ARID1B: variants seen among roughly 807,000 people sequenced by gnomAD.
ARID1B encodes the protein AT-rich interactive domain-containing protein 1B.
In ARID1B, 30 loss-of-function variants were observed where a neutral mutation model predicts 212.3. That is an observed-to-expected ratio of 0.14 (90% CI 0.11 to 0.19). The LOEUF is 0.19. ARID1B is among the 10% of genes least tolerant of loss of function. The probability of loss-of-function intolerance (pLI) is 1.00; values close to 1 mark genes in which losing one functional copy is unlikely to be tolerated. For synonymous variants in ARID1B, 1,402 were observed against 1,301.7 expected, an observed-to-expected ratio of 1.08 and a Z score of -1.66; for missense variants, 2,891 against 3,204.0, an observed-to-expected ratio of 0.90 and a Z score of 2.36.
chr6:157,136,591 G>A (rs1788925966), intron 7 of ARID1B, among the ~76,000 whole-genome samples: 1 of 152,212 alleles, frequency 6.6e-6, no homozygotes, highest in Non-Finnish European at 1.5e-5. Flanking sequence ...GTTGGGCATG[G>A]TGGCTCAAGC....
intron 4 of ARID1B, among the ~76,000 whole-genome samples, chr6:156,971,423 G>T (rs985058284): frequency 6.6e-6 from 1 of 152,164 alleles, no homozygotes; most frequent in Non-Finnish European, 1.5e-5. Flanking sequence ...AAAGAACTTT[G>T]TGTGTGCACG....
At position 156,923,690 on chromosome 6, in the gene ARID1B, T is replaced by C. The variant is rs535532426; in HGVS notation, c.2137-11776T>C. On this transcript the variant is annotated intron_variant, in intron 3 of 19. Transcript: ENST00000636930. ...GCATCATGGCCACTGGATAAAGTTC[T>C]ATTAGTTGATTCTCTTTTTTTTTTT... 4.6e-5 allele frequency among the ~76,000 whole-genome samples: 7 copies of C among 152,140 alleles called. No homozygotes were observed. The South Asian group carries it at 6.2e-4, about 14-fold the overall frequency.
chr6:157,130,328 G>A (rs985201656), intron 6 of ARID1B, among the ~76,000 whole-genome samples: 3 of 152,162 alleles, frequency 2.0e-5, no homozygotes, highest in African/African-American at 7.2e-5. Flanking sequence ...AAAGTAAGGG[G>A]AGACCCACAT....
At chr6:157,178,860 T>G (rs139902711) in intron 11 of ARID1B, among the ~76,000 whole-genome samples, 135 of 152,304 alleles carry the variant, frequency 8.9e-4, no homozygotes, top group Non-Finnish European at 1.5e-3. Context: ...CGTTGCTCTG[T>G]TCATGATTCT....
intron 1 of ARID1B, among the ~76,000 whole-genome samples, chr6:156,792,220 TAA>T (rs1363616468): frequency 6.6e-6 from 1 of 152,222 alleles, no homozygotes; most frequent in Non-Finnish European, 1.5e-5. Context: ...AGCATATCCA[TAA>T]GAGTTTTGCC....
At chr6:156,969,038 A>G (rs1776735609) in intron 4 of ARID1B, among the ~76,000 whole-genome samples, 1 of 152,188 alleles carries the variant, frequency 6.6e-6, no homozygotes. Context: ...CTTCCAGTAC[A>G]ATGGGTTCTG....
chr6:156,913,161 A>G (rs912138305), intron 3 of ARID1B, among the ~76,000 whole-genome samples: 4 of 151,382 alleles, frequency 2.6e-5, no homozygotes, highest in Non-Finnish European at 5.9e-5. Flanking sequence ...ATTACCTCAC[A>G]TAGTTACCAT....
intron 2 of ARID1B, among the ~76,000 whole-genome samples, chr6:156,892,100 A>T (rs1787989307): frequency 7.1e-6 from 1 of 139,990 alleles, no homozygotes; most frequent in Non-Finnish European, 1.5e-5. Flanking sequence ...GGGTTTCACC[A>T]TGTTGGCCAG....
chr6:157,060,294 T>G (rs1411232975), intron 4 of ARID1B, among the ~76,000 whole-genome samples: 2 of 152,220 alleles, frequency 1.3e-5, no homozygotes, highest in Non-Finnish European at 2.9e-5. Flanking sequence ...GTGTTCAATT[T>G]TTACATTGTA....
chr6:157,178,150 A>T (rs948052364), intron 11 of ARID1B, among the ~76,000 whole-genome samples: 1 of 152,174 alleles, frequency 6.6e-6, no homozygotes, highest in Admixed American at 6.5e-5. Context: ...GACTGTGCCC[A>T]CGTTCACTCC....
intron 4 of ARID1B, among the ~76,000 whole-genome samples, chr6:157,011,023 A>G (rs148519836): frequency 1.4e-4 from 21 of 152,186 alleles, no homozygotes; most frequent in African/African-American, 4.6e-4. Flanking sequence ...CCTTTTCCCT[A>G]TGGTGTGTGT....
At chr6:156,934,783 C>T (rs1479867192) in intron 3 of ARID1B, among the ~76,000 whole-genome samples, 3 of 151,380 alleles carry the variant, frequency 2.0e-5, no homozygotes, top group Non-Finnish European at 2.9e-5. Context: ...GCTCTGGGTT[C>T]ACTCTGGGTT....
Position 157,200,875 on chromosome 6 carries a change from C to T in ARID1B, c.4650C>T (p.Tyr1550=). 2 of 1,614,058 alleles carry T rather than the reference C, an allele frequency of 1.2e-6. No homozygotes were observed. Among genetic ancestry groups the T allele is most frequent in the Non-Finnish European group, 1.7e-6 (2 of 1,180,016 alleles). ...RPIQGQYPYP[Y]SRERMQGPGQ... ...TCCAGGGCCAGTACCCGTATCCCTACAGCAGGGAGAGGATGCAGGGCCCGG... is the reference window on the plus strand; with the variant it reads ...TCCAGGGCCAGTACCCGTATCCCTATAGCAGGGAGAGGATGCAGGGCCCGG... Residue 1550 remains tyrosine (Y), a synonymous_variant, in exon 18 of 20, where the codon TAC becomes TAT. Transcript: ENST00000636930. This position sits in a 1 kb window ranked among gnomAD's most constrained non-coding sequence, Gnocchi z 4.3.
rs1295527965 is a variant in ARID1B at position 157,201,123 on chromosome 6, G to A, written c.4898G>A (p.Ser1633Asn). 5.0e-6 allele frequency: 8 copies of A among 1,614,182 alleles called. No individual in the cohort carries two copies. The East Asian group carries it at 1.6e-4, about 31-fold the overall frequency. The part of the protein sequence containing the change: ...MVPDQRINHE[S>N]QWPSHVSQRQ... ...CCCGATCAGAGGATAAATCATGAGA[G>A]CCAGTGGCCTTCTCACGTCAGCCAG... The change falls in exon 18 of 20, where the codon AGC becomes AAC. Residue 1633 changes from serine to asparagine, a missense_variant. Physicochemically the swap from Ser to Asn is conservative, Grantham distance 46. This residue lies in a region of ARID1B where 666 missense variants were observed against 873.5 expected (regional missense o/e 0.76). Coordinates refer to ENST00000636930, the MANE Select transcript of ARID1B (RefSeq NM_001374828.1). The surrounding 1 kb of genome is among the most constrained non-coding windows in gnomAD (Gnocchi z 5.2).
chr6:156,882,488 T>C (rs987121820), intron 2 of ARID1B, among the ~76,000 whole-genome samples: 1 of 152,146 alleles, frequency 6.6e-6, no homozygotes, highest in African/African-American at 2.4e-5. Flanking sequence ...ATGGAAAATA[T>C]AGAGGTGTTT....
At chr6:156,822,137 T>G (rs1782394332) in intron 1 of ARID1B, among the ~76,000 whole-genome samples, 1 of 152,164 alleles carries the variant, frequency 6.6e-6, no homozygotes, top group South Asian at 2.1e-4. Context: ...AGCTACCATG[T>G]GTGGCCAGTC....
At chr6:156,945,098 T>TC (rs1792985503) in intron 4 of ARID1B, among the ~76,000 whole-genome samples, 1 of 108,216 alleles carries the variant, frequency 9.2e-6, no homozygotes, top group Admixed American at 8.8e-5. Context: ...AATTTTTTTG[T>TC]ATATTTTTTT....
intron 1 of ARID1B, among the ~76,000 whole-genome samples, chr6:156,828,504 A>C (rs1438040465): frequency 6.6e-6 from 1 of 152,170 alleles, no homozygotes; most frequent in Non-Finnish European, 1.5e-5. Flanking sequence ...TGAAGGGCTG[A>C]GGCTCCACGC....
rs1783831320 is a variant in ARID1B, at chr6:157,068,724, G to A, written c.2248-15938G>A. Among the ~76,000 whole-genome samples the A allele has an allele frequency of 2.0e-5, 3 of 152,318 alleles. No individual in the cohort carries two copies. The South Asian group carries it at 6.2e-4, about 32-fold the overall frequency. ...TAGTGTGAAATACCTGTTAGAGAAT[G>A]CATTTAACTAGAGACATACACCCTC... is the stretch of plus-strand genomic sequence containing the variant. On this transcript the variant is annotated intron_variant, in intron 4 of 19. Transcript: ENST00000636930.
Sources: allele counts gnomAD v4.1 joint callset (sites outside exome capture counted in the v4.1 genomes callset), GRCh38; gene constraint gnomAD v4.1.1; regional missense constraint gnomAD v4.1.1; non-coding constraint Gnocchi (gnomAD v3.1); transcripts MANE v1.5; gene names NCBI Gene and HGNC (gene_info 2026-07-23, HGNC 2026-07-21).